Variants in LDAH observed in about 807,000 individuals in gnomAD.
The protein encoded by LDAH is lipid droplet associated hydrolase.
In LDAH, 26 loss-of-function variants were observed where a neutral mutation model predicts 29.6. The ratio of observed to expected loss-of-function variants is 0.88; its 90% CI spans 0.64 to 1.22. The LOEUF is 1.22. LDAH is among the 50% of genes most tolerant of loss of function. The probability of loss-of-function intolerance (pLI) is 0.00; values close to 1 mark genes in which losing one functional copy is unlikely to be tolerated. For missense variants in LDAH, 344 were observed against 387.3 expected, an observed-to-expected ratio of 0.89 and a Z score of 0.94; for synonymous variants, 117 against 133.0, an observed-to-expected ratio of 0.88 and a Z score of 0.83.
rs1218538497 is a variant in LDAH, at chr2:20,790,987, A to T, written c.155-589T>A. On this transcript the variant is annotated intron_variant, in intron 2 of 6. Coordinates refer to ENST00000237822, the MANE Select transcript of LDAH (RefSeq NM_021925.4). ...GAAATGGGATTTTCATCTTGTAATCATCATCTATATAAAGTCTTCACAGCT... is the reference window on the plus strand; with the variant it reads ...GAAATGGGATTTTCATCTTGTAATCTTCATCTATATAAAGTCTTCACAGCT... 2.0e-5 allele frequency among the ~76,000 whole-genome samples: 3 copies of T among 152,200 alleles called. No homozygotes were observed. The East Asian group carries it at 5.8e-4, about 29-fold the overall frequency.
At chr2:20,701,219 T>G (rs28532204) in intron 6 of LDAH, among the ~76,000 whole-genome samples, 2 of 152,114 alleles carry the variant, frequency 1.3e-5, no homozygotes, top group South Asian at 4.1e-4. Context: ...TAACATATAA[T>G]GTATTTTCCA....
intron 3 of LDAH, among the ~76,000 whole-genome samples, chr2:20,786,134 T>C (rs767965838): frequency 6.6e-6 from 1 of 152,176 alleles, no homozygotes; most frequent in East Asian, 1.9e-4. Context: ...ATGAGGTAAA[T>C]AGACCTTTTA....
intron 1 of LDAH, among the ~76,000 whole-genome samples, chr2:20,820,332 G>T (rs1673170230): frequency 6.6e-6 from 1 of 152,206 alleles, no homozygotes; most frequent in African/African-American, 2.4e-5. Flanking sequence ...AAAGAACAAA[G>T]CTGGAGGCAT....
chr2:20,688,853 T>A (rs1367563822), intron 6 of LDAH, among the ~76,000 whole-genome samples: 6 of 120,096 alleles, frequency 5.0e-5, no homozygotes, highest in Admixed American at 8.3e-5. Context: ...TTTTTTTTTT[T>A]AATTATACTT....
intron 5 of LDAH, among the ~76,000 whole-genome samples, chr2:20,723,207 G>C (rs1665782299): frequency 6.6e-6 from 1 of 152,222 alleles, no homozygotes; most frequent in African/African-American, 2.4e-5. Context: ...AATGTTGACT[G>C]AGAGAAGTCA....
chr2:20,791,226 G>C (rs1332587018), intron 2 of LDAH, among the ~76,000 whole-genome samples: 2 of 152,196 alleles, frequency 1.3e-5, no homozygotes, highest in African/African-American at 4.8e-5. Flanking sequence ...TAAGAGCATA[G>C]ACTCTGAAGC....
chr2:20,786,323 G>A (rs1384183233), intron 3 of LDAH, among the ~76,000 whole-genome samples: 1 of 152,032 alleles, frequency 6.6e-6, no homozygotes, highest in African/African-American at 2.4e-5. Flanking sequence ...CCGAGTAGCT[G>A]GGAGTACAGG....
chr2:20,792,704 T>G (rs946253057), intron 2 of LDAH, among the ~76,000 whole-genome samples: 5 of 152,140 alleles, frequency 3.3e-5, no homozygotes, highest in African/African-American at 1.2e-4. Context: ...TGGTGTAACA[T>G]TAAGGAGACA....
intron 5 of LDAH, among the ~76,000 whole-genome samples, chr2:20,708,455 C>A (rs578136272): frequency 6.6e-6 from 1 of 152,244 alleles, no homozygotes; most frequent in Non-Finnish European, 1.5e-5. Context: ...CAGCATCTGA[C>A]AAGGTAAAAT....
At chr2:20,800,144 T>C (rs981623366) in intron 2 of LDAH, among the ~76,000 whole-genome samples, 5 of 152,164 alleles carry the variant, frequency 3.3e-5, no homozygotes, top group African/African-American at 7.2e-5. Context: ...ACAAATGAAA[T>C]TGTAAAAATA....
Position 20,698,427 on chromosome 2 carries a change from T to C in LDAH, c.786+3143A>G, listed in dbSNP as rs1663658642. Among the ~76,000 whole-genome samples, 1 of 152,196 alleles carries C rather than the reference T, an allele frequency of 6.6e-6. No individual in the cohort carries two copies. Among genetic ancestry groups the C allele is most frequent in the Non-Finnish European group, 1.5e-5 (1 of 68,040 alleles). On this transcript the variant is annotated intron_variant, in intron 6 of 6. Coordinates refer to ENST00000237822, the MANE Select transcript of LDAH (RefSeq NM_021925.4). This position sits in a 1 kb window ranked among gnomAD's most constrained non-coding sequence, Gnocchi z 4.4. ...CCTATAGGCCGGGCGCAGTGGCTCA[T>C]GCCTGTAATCCCAGCACCTTGGGAG...
Position 20,814,232 on chromosome 2 carries a change from G to C in LDAH, c.-3+8805C>G, listed in dbSNP as rs79933366. Among the ~76,000 whole-genome samples the C allele has an allele frequency of 1.9e-4, 19 of 101,868 alleles. No homozygotes were observed. The South Asian group carries it at 4.5e-3, about 24-fold the overall frequency. 66.8% of individuals were successfully genotyped at this position (101,868 alleles called of 152,430 possible). A position where few individuals can be genotyped will look rare whatever the true frequency, so the allele number is the denominator to read the frequency against. ...ATACTGTCAGTGAGTCTGACAATGG[G>C]GGGGGGGGGTCCATGGTTTATTTTT... is the stretch of plus-strand genomic sequence containing the variant. On this transcript the variant is annotated intron_variant, in intron 1 of 6. Coordinates refer to ENST00000237822, the MANE Select transcript of LDAH (RefSeq NM_021925.4).
chr2:20,789,301 G>A, intron 3 of LDAH: 1 of 1,548,910 alleles, frequency 6.5e-7, no homozygotes, highest in Non-Finnish European at 8.7e-7. Context: ...AAGAGGGCTT[G>A]CCTCCTGTGT....
intron 5 of LDAH, among the ~76,000 whole-genome samples, chr2:20,703,809 A>G (rs1664127953): frequency 1.3e-5 from 2 of 152,014 alleles, no homozygotes; most frequent in South Asian, 4.1e-4. Flanking sequence ...CAGTTAATTA[A>G]CTCATTCATT....
rs772285131 is a variant in LDAH, at chr2:20,701,561, A to G, written c.786+9T>C. Reference sequence around the variant, plus strand: ...ATTATCTATCCCCTTGCAGCACTAAAGTGATTACCTTACATAAATGCTCCT... The same window carrying G: ...ATTATCTATCCCCTTGCAGCACTAAGGTGATTACCTTACATAAATGCTCCT... On this transcript the variant is annotated intron_variant, in intron 6 of 6. Coordinates refer to ENST00000237822, the MANE Select transcript of LDAH (RefSeq NM_021925.4). 6 of 1,612,194 alleles carry G rather than the reference A, an allele frequency of 3.7e-6. No homozygotes were observed. The highest frequency in any genetic ancestry group is 5.1e-6 in the Non-Finnish European group (6 of 1,178,348).
At chr2:20,812,956 G>A (rs1234003176) in intron 1 of LDAH, among the ~76,000 whole-genome samples, 3 of 152,128 alleles carry the variant, frequency 2.0e-5, no homozygotes, top group African/African-American at 7.2e-5. Flanking sequence ...GAAAATATGT[G>A]AGAAAATTGA....
chr2:20,723,951 G>A (rs926691735), intron 5 of LDAH, among the ~76,000 whole-genome samples: 2 of 152,162 alleles, frequency 1.3e-5, no homozygotes, highest in African/African-American at 4.8e-5. Flanking sequence ...AGAGTCTAAT[G>A]TTATTTACTA....
At chr2:20,756,015 G>A (rs1668315420) in intron 4 of LDAH, among the ~76,000 whole-genome samples, 1 of 152,056 alleles carries the variant, frequency 6.6e-6, no homozygotes, top group South Asian at 2.1e-4. Flanking sequence ...CCTCCTGATA[G>A]TTTTGGTGCC....
chr2:20,701,467 C>T (rs1663929653), intron 6 of LDAH, 103 bp downstream of exon 6: 5 of 911,784 alleles, frequency 5.5e-6, no homozygotes, highest in Admixed American at 2.0e-5. Context: ...GTCATTCTAC[C>T]AACCCTTAAA....
Sources: allele counts gnomAD v4.1 joint callset (sites outside exome capture counted in the v4.1 genomes callset), GRCh38; gene constraint gnomAD v4.1.1; non-coding constraint Gnocchi (gnomAD v3.1); transcripts MANE v1.5; gene names NCBI Gene and HGNC (gene_info 2026-07-23, HGNC 2026-07-21).